RP1: variants seen among roughly 807,000 people sequenced by gnomAD.
RP1 encodes the protein RP1 axonemal microtubule associated, also known as oxygen-regulated protein 1.
Under a neutral mutation model 14.8 loss-of-function variants are expected in RP1, and 16 were observed. That is an observed-to-expected ratio of 1.08 (90% CI 0.73 to 1.65). RP1 has a LOEUF of 1.65. RP1 is among the 40% of genes most tolerant of loss of function. The pLI is 0.00. For missense variants in RP1, 2,631 were observed against 2,535.0 expected (o/e 1.04, Z -0.81); for synonymous variants, 876 against 883.6 (o/e 0.99, Z 0.15).
In RP1 at chr8:54,625,865, AAAG is replaced by A; in HGVS notation, c.1988_1990del (p.Lys663del). On this transcript the variant is annotated inframe_deletion, in exon 4 of 4. Transcript: ENST00000220676. ...GTTTAACAAAACTTCCAAAAAATGAAAAGAAGATTTTGTCATCTGTTGCCAGCA... is the reference window on the plus strand; with the variant it reads ...GTTTAACAAAACTTCCAAAAAATGAAAAGATTTTGTCATCTGTTGCCAGCA... The A allele has an allele frequency of 6.2e-6, 10 of 1,613,816 alleles. No individual in the cohort carries two copies. Among genetic ancestry groups the A allele is most frequent in the Non-Finnish European group, 8.5e-6 (10 of 1,179,976 alleles).
rs1806152871 is a variant in RP1, at chr8:54,628,651, A to G, written c.4769A>G (p.Asp1590Gly). ...KKCIKSPVTS[D>G]WSDYRPDSDS... is the part of the protein sequence containing the mutation. ...TGCATCAAAAGTCCAGTGACTTCTG[A>G]TTGGTCAGACTATCGGCCTGACAGT... is the stretch of plus-strand genomic sequence containing the variant. Residue 1590 changes from aspartate (D) to glycine (G), a missense_variant, in exon 4 of 4, where the codon GAT (aspartate) becomes GGT (glycine). Asp to Gly is a moderately conservative substitution (Grantham distance 94). Transcript: ENST00000220676. The G allele has an allele frequency of 1.2e-6, 2 of 1,614,116 alleles. No individual in the cohort carries two copies. The highest frequency in any genetic ancestry group is 1.7e-6 in the Non-Finnish European group (2 of 1,179,962).
intron 3 of RP1, among the ~76,000 whole-genome samples, chr8:54,640,980 G>T (rs1472290663): frequency 5.5e-5 from 7 of 127,730 alleles, no homozygotes; most frequent in African/African-American, 2.1e-4. Flanking sequence ...TTTTTTTTGA[G>T]ACAGAGTCTT....
chr8:54,635,982 C>T (rs1806338990), intron 3 of RP1, among the ~76,000 whole-genome samples: 1 of 152,186 alleles, frequency 6.6e-6, no homozygotes, highest in Admixed American at 6.5e-5. Flanking sequence ...CTCCCTCTTC[C>T]TCTCCTCCCC....
intron 24 of RP1, among the ~76,000 whole-genome samples, chr8:54,799,748 A>G (rs1379689572): frequency 6.6e-6 from 1 of 152,070 alleles, no homozygotes; most frequent in Non-Finnish European, 1.5e-5. Context: ...CATGTGCAGT[A>G]TAAGGGTCTT....
chr8:54,703,583 G>A (rs1181071944), intron 14 of RP1, among the ~76,000 whole-genome samples: 2 of 152,050 alleles, frequency 1.3e-5, no homozygotes, highest in African/African-American at 4.8e-5. Context: ...AATGGGCACT[G>A]GCTTCAACTG....
rs150728667 is a variant in RP1, at chr8:54,629,506, G to C, written c.5624G>C (p.Gly1875Ala). 1,634 of 1,614,014 alleles carry C rather than the reference G, an allele frequency of 1.0e-3. 6 individuals carry two copies. The highest frequency in any genetic ancestry group is 7.8e-3 in the Middle Eastern group (47 of 6,062). ...GTCACTCATTCCTTTATTTCTGCTG[G>C]TAACAAAGTCTACCCTGTCTCTGAT... is the stretch of plus-strand genomic sequence containing the variant. ...TSVTHSFISA[G>A]NKVYPVSDDA... Residue 1875 changes from glycine to alanine, a missense_variant, in exon 4 of 4, where the codon GGT (glycine) becomes GCT (alanine). Gly to Ala is a moderately conservative substitution (Grantham distance 60). Transcript: ENST00000220676.
intron 13 of RP1, chr8:54,699,581 A>C (rs1807963212): frequency 1.5e-6 from 2 of 1,320,550 alleles, no homozygotes; most frequent in Non-Finnish European, 9.9e-7. Context: ...GTGTGTAGTA[A>C]ATTTTCTTTT....
At chr8:54,560,087 T>C (rs1276148210) in intron 1 of RP1, among the ~76,000 whole-genome samples, 2 of 152,172 alleles carry the variant, frequency 1.3e-5, no homozygotes, top group Non-Finnish European at 2.9e-5. Flanking sequence ...CAGGGCATCA[T>C]GGCAGGAGCT....
chr8:54,792,579 G>C (rs1254995488), intron 24 of RP1, among the ~76,000 whole-genome samples: 1 of 151,798 alleles, frequency 6.6e-6, no homozygotes, highest in East Asian at 1.9e-4. Flanking sequence ...ACAAATTCAT[G>C]GAGATTAAAC....
chr8:54,683,863 C>T (rs1807491074), intron 12 of RP1, among the ~76,000 whole-genome samples: 1 of 152,098 alleles, frequency 6.6e-6, no homozygotes, highest in South Asian at 2.1e-4. Flanking sequence ...GAGAGGGCAT[C>T]CTTATCTTGT....
chr8:54,846,144 C>T (rs531629094), intron 25 of RP1, among the ~76,000 whole-genome samples: 186 of 152,226 alleles, frequency 1.2e-3, no homozygotes, highest in African/African-American at 4.0e-3. Flanking sequence ...ATGAGATGAC[C>T]GTTACAATGG....
At chr8:54,675,721 A>G (rs1311798484) in intron 8 of RP1, among the ~76,000 whole-genome samples, 1 of 152,138 alleles carries the variant, frequency 6.6e-6, no homozygotes, top group Non-Finnish European at 1.5e-5. Context: ...AAAAATCAGA[A>G]CTATAAGTAC....
chr8:54,571,197 C>T (rs533127673), intron 1 of RP1, among the ~76,000 whole-genome samples: 107 of 152,292 alleles, frequency 7.0e-4, no homozygotes, highest in Middle Eastern at 3.4e-3. Flanking sequence ...AAATCCTTGC[C>T]TCCATTCCCC....
chr8:54,625,836 T>C lies in RP1; in HGVS notation c.1954T>C (p.Cys652Arg), dbSNP rs781515012. 3 of 1,613,402 alleles carry C rather than the reference T, an allele frequency of 1.9e-6. No homozygotes were observed. The Admixed American group carries it at 5.0e-5, about 27-fold the overall frequency. Reference protein sequence around the residue: ...IDRLINEFAQCGLTKLPKNEK... With the variant: ...IDRLINEFAQRGLTKLPKNEK... ...CAGACTAATTAATGAATTTGCTCAG[T>C]GTGGTTTAACAAAACTTCCAAAAAA... Residue 652 changes from cysteine to arginine, a missense_variant, in exon 4 of 4, where the codon TGT (cysteine) becomes CGT (arginine). By Grantham distance (180) the Cys-to-Arg change is radical. Coordinates refer to ENST00000220676, the MANE Select transcript of RP1 (RefSeq NM_006269.2).
In RP1 at chr8:54,620,935, T is replaced by C. The variant is rs1232625353; in HGVS notation, c.-12-20T>C. The C allele has an allele frequency of 1.2e-6, 2 of 1,611,936 alleles. No homozygotes were observed. The highest frequency in any genetic ancestry group is 3.3e-5 in the Admixed American group (2 of 60,026). Reference sequence around the variant, plus strand: ...CGCTATGGTGCTGTGATTCTGGAGATAATTTTCTTTCTTCTCTAGGTCTCA... The same window carrying C: ...CGCTATGGTGCTGTGATTCTGGAGACAATTTTCTTTCTTCTCTAGGTCTCA... On this transcript the variant is annotated intron_variant, in intron 1 of 3. Coordinates refer to ENST00000220676, the MANE Select transcript of RP1 (RefSeq NM_006269.2).
chr8:54,627,990 AAAG>A lies in RP1; in HGVS notation c.4110_4112del (p.Lys1370_Asp1371delinsAsn). On this transcript the variant is annotated inframe_deletion, in exon 4 of 4. Coordinates refer to ENST00000220676, the MANE Select transcript of RP1 (RefSeq NM_006269.2). ...GTTAGAAAGAGGTGATGACATTCAG[AAAG>A]ATCTAAATATTTTGACAGACCCTGA... 1 of 1,614,092 alleles carries A rather than the reference AAAG, an allele frequency of 6.2e-7. No individual in the cohort carries two copies. The highest frequency in any genetic ancestry group is 8.5e-7 in the Non-Finnish European group (1 of 1,179,946).
intron 26 of RP1, among the ~76,000 whole-genome samples, chr8:54,853,445 G>T (rs1427073418): frequency 6.6e-6 from 1 of 152,156 alleles, no homozygotes; most frequent in Non-Finnish European, 1.5e-5. Flanking sequence ...TCTAGGACCA[G>T]AGCCACCAGA....
intron 25 of RP1, among the ~76,000 whole-genome samples, chr8:54,850,872 T>C (rs1317863050): frequency 3.9e-5 from 6 of 152,218 alleles, no homozygotes; most frequent in Non-Finnish European, 7.3e-5. Context: ...AGCAAAAATG[T>C]CTGTTTCTCC....
intron 14 of RP1, among the ~76,000 whole-genome samples, chr8:54,703,530 AT>A (rs1467194936): frequency 6.6e-6 from 1 of 152,128 alleles, no homozygotes; most frequent in African/African-American, 2.4e-5. Flanking sequence ...GGTAGAGTAG[AT>A]TTAGTATAAT....
Sources: allele counts gnomAD v4.1 joint callset (sites outside exome capture counted in the v4.1 genomes callset), GRCh38; gene constraint gnomAD v4.1.1; transcripts MANE v1.5; gene names NCBI Gene and HGNC (gene_info 2026-07-23, HGNC 2026-07-21).